The following TNXB variants were observed in gnomAD, a reference collection of about 807,000 sequenced individuals.
TNXB encodes the protein tenascin-X.
TNXB carries 183 observed loss-of-function variants against 340.5 expected under a neutral mutation model. That is an observed-to-expected ratio of 0.54 (90% CI 0.48 to 0.61). The LOEUF is 0.61. Ranked by LOEUF, TNXB falls within the 20% of genes least tolerant of loss-of-function variation. TNXB has a pLI of 0.00. For synonymous variants in TNXB, 2,121 were observed against 2,314.5 expected (o/e 0.92, Z 2.40); for missense variants, 4,613 against 5,446.4 (o/e 0.85, Z 4.82).
rs1778995082 is a variant in TNXB at position 32,074,885 on chromosome 6, A to ACC, written c.4376-934_4376-933insGG. Among the ~76,000 whole-genome samples, 1 of 152,058 alleles carries ACC rather than the reference A, an allele frequency of 6.6e-6. No homozygotes were observed. The highest frequency in any genetic ancestry group is 2.4e-5 in the African/African-American group (1 of 41,408). On this transcript the variant is annotated intron_variant, in intron 11 of 43. Transcript: ENST00000644971. This position sits in a 1 kb window ranked among gnomAD's most constrained non-coding sequence, Gnocchi z 5.5. ...AGTAGAGATGGGGTTTCTCCACGTT[A>ACC]GTCAGGTTGGTCTTGAACTCCCGAC...
rs1780044769 is a variant in TNXB, at chr6:32,090,929, T to C, written c.2359-1550A>G. 6.6e-6 allele frequency among the ~76,000 whole-genome samples: 1 copy of C among 152,168 alleles called. No individual in the cohort carries two copies. The highest frequency in any genetic ancestry group is 1.5e-5 in the Non-Finnish European group (1 of 68,028). On this transcript the variant is annotated intron_variant, in intron 4 of 43. Coordinates refer to ENST00000644971, the MANE Select transcript of TNXB (RefSeq NM_001365276.2). This position sits in a 1 kb window ranked among gnomAD's most constrained non-coding sequence, Gnocchi z 4.3. ...TACACACACCTTGGATGCTCCCTGA[T>C]GATGTCTGGTTCTTTCAGTGAGGCA...
chr6:32,095,652 C>T lies in TNXB; in HGVS notation c.2201G>A (p.Cys734Tyr). The change falls in exon 3 of 44, where the codon TGT becomes TAT. Residue 734 changes from cysteine to tyrosine, a missense_variant. Coordinates refer to ENST00000644971, the MANE Select transcript of TNXB (RefSeq NM_001365276.2). ...RGRGECHDGS[C>Y]VCKDGYAGED... Reference sequence around the variant, plus strand: ...GCCAGCATACCCATCTTTGCAGACACAGCTGCCATCGTGACACTCTCCTCG... The same window carrying T: ...GCCAGCATACCCATCTTTGCAGACATAGCTGCCATCGTGACACTCTCCTCG... 1 of 1,613,976 alleles carries T rather than the reference C, an allele frequency of 6.2e-7. No individual in the cohort carries two copies. Among genetic ancestry groups the T allele is most frequent in the Non-Finnish European group, 8.5e-7 (1 of 1,179,854 alleles).
intron 1 of TNXB, among the ~76,000 whole-genome samples, chr6:32,106,476 C>T (rs1311882867): frequency 3.3e-5 from 5 of 151,906 alleles, no homozygotes; most frequent in African/African-American, 9.7e-5. Flanking sequence ...CACTGGTAGG[C>T]GGAGGTGACT....
In TNXB at chr6:32,061,410, G is replaced by A. The variant is rs1199618450; in HGVS notation, c.7479C>T (p.Thr2493=). The change falls in exon 21 of 44, where the codon ACC becomes ACT. Residue 2493 remains threonine (T), a synonymous_variant. Coordinates refer to ENST00000644971, the MANE Select transcript of TNXB (RefSeq NM_001365276.2). The surrounding 1 kb of genome is among the most constrained non-coding windows in gnomAD (Gnocchi z 4.4). ...AGCACTACTCACCAGTCACGCCCAC[G>A]GTGGACACCGGGCCCACGCGCCGCC... is the stretch of plus-strand genomic sequence containing the variant. ...HEGRRVGPVS[T]VGVTAPQEDV... is the part of the protein sequence containing the mutation. The A allele has an allele frequency of 1.1e-5, 18 of 1,612,288 alleles. No homozygotes were observed. The highest frequency in any genetic ancestry group is 3.3e-4 in the Middle Eastern group (2 of 6,078).
rs772454700 is a variant in TNXB, at chr6:32,072,022, C to T, written c.4958G>A (p.Arg1653Gln). The T allele has an allele frequency of 2.9e-5, 47 of 1,607,768 alleles. No homozygotes were observed. The highest frequency in any genetic ancestry group is 1.7e-4 in the South Asian group (15 of 90,058). Residue 1653 changes from arginine (R) to glutamine (Q), a missense_variant, in exon 13 of 44, where the codon CGA becomes CAA. Arg to Gln is a conservative substitution (Grantham distance 43, BLOSUM62 1). Coordinates refer to ENST00000644971, the MANE Select transcript of TNXB (RefSeq NM_001365276.2). The surrounding 1 kb of genome is among the most constrained non-coding windows in gnomAD (Gnocchi z 4.4). ...FLLFGIQDGKRRSPVSVEAKT... is the reference protein window; with the variant it reads ...FLLFGIQDGKQRSPVSVEAKT... ...TGCCTCCACAGAGACTGGGCTGCGT[C>T]GTTTCCCATCCTGGATCCCAAAGAG...
intron 24 of TNXB, among the ~76,000 whole-genome samples, chr6:32,055,475 G>A (rs563858186): frequency 3.3e-5 from 5 of 152,212 alleles, no homozygotes; most frequent in East Asian, 1.9e-4. Context: ...CAGTCGACGC[G>A]CTGCCCCTCA....
chr6:32,043,807 G>C lies in TNXB; in HGVS notation c.11472C>G (p.Thr3824=). 1.2e-6 allele frequency: 2 copies of C among 1,613,544 alleles called. No individual in the cohort carries two copies. The highest frequency in any genetic ancestry group is 1.3e-5 in the African/African-American group (1 of 75,006). ...GLIPGARYEV[T]VVSVRGFEES... ...CCTCAAAGCCTCGGACCGAGACCAC[G>C]GTCACCTCATAGCGAGCGCCTGGGA... Residue 3824 remains threonine (T), a synonymous_variant, in exon 35 of 44, where the codon ACC becomes ACG. Transcript: ENST00000644971.
chr6:32,043,651 T>C (rs1349463537), intron 35 of TNXB, 95 bp from the exon 36 acceptor site: 1 of 1,577,476 alleles, frequency 6.3e-7, no homozygotes, highest in Non-Finnish European at 8.7e-7. Context: ...AATCGGAGCC[T>C]CCACCACCTC....
Position 32,064,238 on chromosome 6 carries a change from G to C in TNXB, c.6841+583C>G, listed in dbSNP as rs554015156. On this transcript the variant is annotated intron_variant, in intron 19 of 43. Coordinates refer to ENST00000644971, the MANE Select transcript of TNXB (RefSeq NM_001365276.2). This position sits in a 1 kb window ranked among gnomAD's most constrained non-coding sequence, Gnocchi z 5.3. ...TGCTTGTTTTGTTTTTTTGAGACAG[G>C]GTCTCACTCTGTCACACAGGCTGGA... 1.3e-5 allele frequency among the ~76,000 whole-genome samples: 2 copies of C among 152,072 alleles called. No homozygotes were observed. The highest frequency in any genetic ancestry group is 3.9e-4 in the East Asian group (2 of 5,170).
At position 32,068,824 on chromosome 6, in the gene TNXB, G is replaced by A. The variant is rs768587123; in HGVS notation, c.5900C>T (p.Thr1967Ile). The change falls in exon 16 of 44, where the codon ACA becomes ATA. Residue 1967 changes from threonine to isoleucine, a missense_variant and splice_region_variant. By Grantham distance (89) the Thr-to-Ile change is moderately conservative. Around this residue, in one of 7 missense-constraint regions of TNXB, gnomAD observed 4,327 missense variants for 4,859.4 expected, o/e 0.89. Coordinates refer to ENST00000644971, the MANE Select transcript of TNXB (RefSeq NM_001365276.2). The surrounding 1 kb of genome is among the most constrained non-coding windows in gnomAD (Gnocchi z 5.3). ...HVGPVHVEALTVPEEEKPSEP... is the reference protein window; with the variant it reads ...HVGPVHVEALIVPEEEKPSEP... The stretch of plus-strand genomic sequence containing the variant: ...GGCATAGTGGGCAGAGTTCTCACCT[G>A]TCAGGGCCTCGACATGGACAGGACC... 8.7e-6 allele frequency: 14 copies of A among 1,603,996 alleles called. No individual in the cohort carries two copies. Among genetic ancestry groups the A allele is most frequent in the Non-Finnish European group, 1.1e-5 (13 of 1,173,456 alleles).
intron 1 of TNXB, among the ~76,000 whole-genome samples, chr6:32,099,349 C>T (rs916050757): frequency 2.0e-5 from 3 of 151,798 alleles, no homozygotes; most frequent in Non-Finnish European, 2.9e-5. Flanking sequence ...TTTCCTGCCT[C>T]GGCCTCCTGA....
rs1777047965 is a variant in TNXB at position 32,048,507 on chromosome 6, C to T, written c.9901G>A (p.Gly3301Arg). 4 of 1,602,672 alleles carry T rather than the reference C, an allele frequency of 2.5e-6. No homozygotes were observed. The highest frequency in any genetic ancestry group is 1.7e-5 in the Admixed American group (1 of 59,856). Reference protein sequence around the residue: ...SFLVQYRDAQGQPQAVPVSGD... With the variant: ...SFLVQYRDAQRQPQAVPVSGD... ...CTCACAGGCACTGCCTGGGGCTGCC[C>T]CTGCGCGTCCCTGTACTGTACCAGG... The change falls in exon 29 of 44, where the codon GGG becomes AGG. Residue 3301 changes from glycine (G) to arginine (R), a missense_variant. Physicochemically the swap from Gly to Arg is moderately radical, Grantham distance 125. This residue lies in a region of TNXB where 4,327 missense variants were observed against 4,859.4 expected (regional missense o/e 0.89). Transcript: ENST00000644971.
In TNXB at chr6:32,085,577, A is replaced by G. The variant is rs1422029789; in HGVS notation, c.3148+173T>C. 6.6e-6 allele frequency among the ~76,000 whole-genome samples: 1 copy of G among 152,094 alleles called. No homozygotes were observed. On this transcript the variant is annotated intron_variant, in intron 7 of 43. Coordinates refer to ENST00000644971, the MANE Select transcript of TNXB (RefSeq NM_001365276.2). The surrounding 1 kb of genome is among the most constrained non-coding windows in gnomAD (Gnocchi z 6.4). ...ATTGTTTTAAGATCCCCCTCGATCCATCTTCCTGCTGAACCTGCAATTCCT... is the reference window on the plus strand; with the variant it reads ...ATTGTTTTAAGATCCCCCTCGATCCGTCTTCCTGCTGAACCTGCAATTCCT...
chr6:32,095,673 C>T lies in TNXB; in HGVS notation c.2180G>A (p.Gly727Glu). The change falls in exon 3 of 44, where the codon GGA becomes GAA. Residue 727 changes from glycine (G) to glutamate (E), a missense_variant. Physicochemically the swap from Gly to Glu is moderately conservative, Grantham distance 98 (BLOSUM62 -2). Coordinates refer to ENST00000644971, the MANE Select transcript of TNXB (RefSeq NM_001365276.2). ...GACACAGCTGCCATCGTGACACTCT[C>T]CTCGGCCACGGCAGTCCCCTGGGCA... ...QTCPGDCRGRGECHDGSCVCK... is the reference protein window; with the variant it reads ...QTCPGDCRGREECHDGSCVCK... 1 of 1,614,058 alleles carries T rather than the reference C, an allele frequency of 6.2e-7. No individual in the cohort carries two copies. Among genetic ancestry groups the T allele is most frequent in the Non-Finnish European group, 8.5e-7 (1 of 1,179,892 alleles).
At position 32,098,385 on chromosome 6, in the gene TNXB, TCTAC is replaced by T. The variant is rs769728630; in HGVS notation, c.-8-183_-8-180del. On this transcript the variant is annotated intron_variant, in intron 1 of 43. Transcript: ENST00000644971. ...ATACCCTCCCTGGGCAAGTCTGTTC[TCTAC>T]CTCTCTGATATCATTTATTTACCCT... 4.0e-4 allele frequency among the ~76,000 whole-genome samples: 61 copies of T among 152,318 alleles called. No homozygotes were observed. The South Asian group carries it at 4.8e-3, about 12-fold the overall frequency.
At position 32,069,876 on chromosome 6, in the gene TNXB, C is replaced by T. The variant is rs563896530; in HGVS notation, c.5279-15G>A. ...ACTCCGGGCTTCTGAGATGGAGACA[C>T]GGAGAGGAAACGGCTGAGCTGTTTC... On this transcript the variant is annotated splice_polypyrimidine_tract_variant and intron_variant, in intron 14 of 43. Transcript: ENST00000644971. This position sits in a 1 kb window ranked among gnomAD's most constrained non-coding sequence, Gnocchi z 6.2. The T allele has an allele frequency of 4.1e-5, 64 of 1,573,090 alleles. 2 individuals are homozygous for T. Among genetic ancestry groups the T allele is most frequent in the African/African-American group, 3.7e-4 (27 of 73,772 alleles).
intron 1 of TNXB, among the ~76,000 whole-genome samples, chr6:32,102,274 A>G (rs1780756551): frequency 6.6e-6 from 1 of 152,206 alleles, no homozygotes; most frequent in Non-Finnish European, 1.5e-5. Flanking sequence ...TAACCCAGAT[A>G]TCTATAACTA....
chr6:32,052,601 G>C lies in TNXB; in HGVS notation c.9115+69C>G. 1 of 1,565,732 alleles carries C rather than the reference G, an allele frequency of 6.4e-7. No individual in the cohort carries two copies. The highest frequency in any genetic ancestry group is 8.7e-7 in the Non-Finnish European group (1 of 1,147,754). ...AATACTCTTCAGAGTATGTTTTCAC[G>C]AAGACTGGAGAGACAGCAGTGTCTT... On this transcript the variant is annotated intron_variant, in intron 26 of 43. Coordinates refer to ENST00000644971, the MANE Select transcript of TNXB (RefSeq NM_001365276.2). This position sits in a 1 kb window ranked among gnomAD's most constrained non-coding sequence, Gnocchi z 4.7.
chr6:32,076,709 C>T (rs999580740), intron 11 of TNXB, among the ~76,000 whole-genome samples: 2 of 152,176 alleles, frequency 1.3e-5, no homozygotes, highest in African/African-American at 2.4e-5. Context: ...TGGCTGGGCA[C>T]GGTGCCTCAC....
Sources: gnomAD v4.1 joint callset for allele counts (sites outside exome capture counted in the v4.1 genomes callset) on GRCh38, gnomAD v4.1.1 for gene constraint, gnomAD v4.1.1 regional missense constraint, Gnocchi (gnomAD v3.1) non-coding constraint, MANE v1.5 for transcripts, NCBI Gene and HGNC (gene_info 2026-07-23, HGNC 2026-07-21) for gene names.